The following TPTE2 variants were observed in gnomAD, a reference collection of about 807,000 sequenced individuals.
TPTE2 encodes phosphatidylinositol 3,4,5-trisphosphate 3-phosphatase TPTE2.
TPTE2 carries 53 observed loss-of-function variants against 78.6 expected under a neutral mutation model. That is an observed-to-expected ratio of 0.67 (90% CI 0.54 to 0.85). The LOEUF is 0.85. Ranked by LOEUF, TPTE2 falls within the 40% of genes least tolerant of loss-of-function variation. TPTE2 has a pLI of 0.00. For synonymous variants in TPTE2, 175 were observed against 206.2 expected (o/e 0.85, Z 1.30); for missense variants, 461 against 623.0 (o/e 0.74, Z 2.77).
intron 15 of TPTE2, among the ~76,000 whole-genome samples, chr13:19,433,730 T>C (rs767618113): frequency 1.4e-4 from 21 of 152,138 alleles, no homozygotes; most frequent in South Asian, 2.1e-4. Context: ...CCACCAGACA[T>C]AGAGGGCACT....
At chr13:19,455,196 T>C (rs2137540465) in intron 10 of TPTE2, among the ~76,000 whole-genome samples, 1 of 152,360 alleles carries the variant, frequency 6.6e-6, no homozygotes, top group South Asian at 2.1e-4. Context: ...TCTTTAGGTA[T>C]TTACAAATGT....
chr13:19,521,784 C>G (rs1870166631), intron 1 of TPTE2, among the ~76,000 whole-genome samples: 2 of 152,120 alleles, frequency 1.3e-5, no homozygotes, highest in African/African-American at 4.8e-5. Context: ...CATTCCCTCT[C>G]TCTTCCATTG....
At position 19,436,318 on chromosome 13, in the gene TPTE2, G is replaced by A; in HGVS notation, c.1036-12C>T. ...TAATATAGGCTTTCCTACAAAAAAG[G>A]GTACAATCCAACCATGGTTCATCTG... On this transcript the variant is annotated splice_polypyrimidine_tract_variant and intron_variant, in intron 14 of 19. Coordinates refer to ENST00000400230, the Ensembl canonical transcript of TPTE2. The A allele has an allele frequency of 6.2e-7, 1 of 1,609,550 alleles. No homozygotes were observed. The highest frequency in any genetic ancestry group is 8.5e-7 in the Non-Finnish European group (1 of 1,177,238).
the TPTE2 span, among the ~76,000 whole-genome samples, chr13:19,559,253 T>C: frequency 3.9e-5 from 6 of 152,204 alleles, no homozygotes; most frequent in Admixed American, 6.5e-5. Context: ...CTCGATAGTA[T>C]ATATATTTTT....
intron 1 of TPTE2, among the ~76,000 whole-genome samples, chr13:19,497,031 G>A (rs1881366850): frequency 1.3e-5 from 2 of 152,164 alleles, no homozygotes; most frequent in African/African-American, 4.8e-5. Context: ...TCAAAGAAAG[G>A]GGTGACAGAC....
At chr13:19,441,619 G>T (rs2137507209) in intron 13 of TPTE2, among the ~76,000 whole-genome samples, 1 of 152,206 alleles carries the variant, frequency 6.6e-6, no homozygotes, top group Non-Finnish European at 1.5e-5. Flanking sequence ...GCCTGCACCT[G>T]TGACTTTAAA....
intron 1 of TPTE2, among the ~76,000 whole-genome samples, chr13:19,527,274 A>G (rs1870566272): frequency 6.6e-6 from 1 of 152,224 alleles, no homozygotes; most frequent in Admixed American, 6.5e-5. Context: ...GTTAACAAAA[A>G]TGTATTGTGT....
chr13:19,504,394 T>G (rs1868849060), upstream of TPTE2, among the ~76,000 whole-genome samples: 1 of 152,082 alleles, frequency 6.6e-6, no homozygotes. Context: ...GTCAAGAAAC[T>G]GCCCCATACA....
At chr13:19,474,179 G>A (rs539015658) in intron 5 of TPTE2, 104 bp from the exon 9 acceptor site, 23 of 1,129,952 alleles carry the variant, frequency 2.0e-5, no homozygotes, top group Non-Finnish European at 2.7e-5. Context: ...CCACTGATCA[G>A]GTACCAAAAT....
At chr13:19,504,959 C>T (rs1024803399), upstream of TPTE2, among the ~76,000 whole-genome samples, 1 of 151,976 alleles carries the variant, frequency 6.6e-6, no homozygotes, top group African/African-American at 2.4e-5. Flanking sequence ...ATTCACATTT[C>T]ATTGGTGGTT....
intron 1 of TPTE2, among the ~76,000 whole-genome samples, chr13:19,534,087 A>C (rs1871055814): frequency 6.6e-6 from 1 of 152,224 alleles, no homozygotes; most frequent in Non-Finnish European, 1.5e-5. Context: ...AGTGCCTTTA[A>C]TACACCTAAC....
At chr13:19,423,708 A>G (rs1164544824) in intron 19 of TPTE2, among the ~76,000 whole-genome samples, 2 of 152,252 alleles carry the variant, frequency 1.3e-5, no homozygotes, top group Non-Finnish European at 2.9e-5. Context: ...CATAACTAAC[A>G]AAAACAGCTT....
chr13:19,434,382 A>C (rs1250344861), intron 15 of TPTE2, among the ~76,000 whole-genome samples: 2 of 152,206 alleles, frequency 1.3e-5, no homozygotes, highest in Non-Finnish European at 2.9e-5. Flanking sequence ...AATGTGTTGG[A>C]GTATGGGATG....
At chr13:19,548,767 G>A in the TPTE2 span, among the ~76,000 whole-genome samples, 1 of 151,778 alleles carries the variant, frequency 6.6e-6, no homozygotes, top group Non-Finnish European at 1.5e-5. Flanking sequence ...CCCTGAAGAA[G>A]ATCTAGGAAA....
At chr13:19,484,701 TGC>T (rs1450518122) in intron 3 of TPTE2, among the ~76,000 whole-genome samples, 19 of 152,188 alleles carry the variant, frequency 1.2e-4, no homozygotes, top group African/African-American at 4.3e-4. Context: ...TTATATTTCT[TGC>T]TGAATTGAAC....
chr13:19,507,610 G>A (rs945363926), upstream of TPTE2, among the ~76,000 whole-genome samples: 2 of 152,178 alleles, frequency 1.3e-5, no homozygotes, highest in Non-Finnish European at 1.5e-5. Flanking sequence ...TTTCCCTGAG[G>A]TTGCCTCTGT....
chr13:19,515,832 A>G (rs1869757415), intron 1 of TPTE2, among the ~76,000 whole-genome samples: 2 of 152,236 alleles, frequency 1.3e-5, no homozygotes, highest in Admixed American at 1.3e-4. Flanking sequence ...CTACTGAGGA[A>G]GAGAACTGGA....
At chr13:19,423,729 T>G (rs1187209173) in intron 19 of TPTE2, among the ~76,000 whole-genome samples, 1 of 152,208 alleles carries the variant, frequency 6.6e-6, no homozygotes, top group Non-Finnish European at 1.5e-5. Context: ...TACCAAGTAG[T>G]ATGTAAATTT....
intron 11 of TPTE2, among the ~76,000 whole-genome samples, chr13:19,450,881 T>C (rs1193913542): frequency 6.6e-6 from 1 of 152,102 alleles, no homozygotes; most frequent in Non-Finnish European, 1.5e-5. Context: ...AACAGAAAGA[T>C]TTTCCTAAAC....
Sources: gnomAD v4.1 joint callset for allele counts (sites outside exome capture counted in the v4.1 genomes callset) on GRCh38, gnomAD v4.1.1 for gene constraint, MANE v1.5 for transcripts, NCBI Gene and HGNC (gene_info 2026-07-23, HGNC 2026-07-21) for gene names.